Variants in ALG6 observed in about 807,000 individuals in gnomAD.
The protein encoded by ALG6 is dolichyl pyrophosphate Man9GlcNAc2 alpha-1,3-glucosyltransferase.
In ALG6, 46 loss-of-function variants were observed where a neutral mutation model predicts 66.6. The ratio of observed to expected loss-of-function variants is 0.69; its 90% CI spans 0.55 to 0.88. The LOEUF (loss-of-function observed/expected upper bound fraction) is 0.88, where lower values mean the gene tolerates loss of function less well. Ranked by LOEUF, ALG6 falls within the 40% of genes least tolerant of loss-of-function variation. The pLI is 0.00. For synonymous variants in ALG6, 185 were observed against 203.7 expected (o/e 0.91, Z 0.78); for missense variants, 505 against 586.8 (o/e 0.86, Z 1.44).
At chr1:63,411,739 T>G (rs553565398) in intron 8 of ALG6, among the ~76,000 whole-genome samples, 187 bp from the exon 9 acceptor site, 1 of 152,350 alleles carries the variant, frequency 6.6e-6, no homozygotes, top group South Asian at 2.1e-4. Context: ...TTTGTTGAAG[T>G]GCACGTCTTA....
In ALG6 at chr1:63,408,616, ACT is replaced by A. The variant is rs1264549504; in HGVS notation, c.494+1494_494+1495del. Among the ~76,000 whole-genome samples, 7 of 152,192 alleles carry A rather than the reference ACT, an allele frequency of 4.6e-5. No homozygotes were observed. The South Asian group carries it at 1.5e-3, about 32-fold the overall frequency. On this transcript the variant is annotated intron_variant, in intron 7 of 14. Transcript: ENST00000263440. ...TTTTTAGCAGCATGTACCAATTAAG[ACT>A]CTCATAACAATGGTGTAAGAGTTCC...
intron 2 of ALG6, among the ~76,000 whole-genome samples, chr1:63,374,834 G>A (rs1648064908): frequency 1.3e-5 from 2 of 152,108 alleles, no homozygotes; most frequent in African/African-American, 4.8e-5. Flanking sequence ...CTGGTCTTTA[G>A]GGTGACCAAG....
At chr1:63,385,749 T>G (rs12060985) in intron 2 of ALG6, among the ~76,000 whole-genome samples, 1 of 152,336 alleles carries the variant, frequency 6.6e-6, no homozygotes, top group South Asian at 2.1e-4. Context: ...AATATAAAAT[T>G]ATATCATCTG....
At chr1:63,415,812 T>C (rs911062147) in intron 10 of ALG6, 61 bp from the exon 11 acceptor site, 12 of 1,041,422 alleles carry the variant, frequency 1.2e-5, no homozygotes, top group Non-Finnish European at 1.4e-5. Context: ...TATTTCCTTA[T>C]TTAAGCTAGA....
intron 1 of ALG6, among the ~76,000 whole-genome samples, chr1:63,367,929 G>A (rs1405487728): frequency 6.6e-6 from 1 of 152,166 alleles, no homozygotes; most frequent in Non-Finnish European, 1.5e-5. Flanking sequence ...CCTTGTCCTT[G>A]CGGTTCTGAG....
rs1255958798 is a variant in ALG6 at position 63,433,983 on chromosome 1, T to C, written c.1327-2840T>C. On this transcript the variant is annotated intron_variant, in intron 14 of 14. Transcript: ENST00000263440. The surrounding 1 kb of genome is among the most constrained non-coding windows in gnomAD (Gnocchi z 4.2). Reference sequence around the variant, plus strand: ...GAAGTAAACTGCAGATAATTGAGGGTAGAACATCCTAGAAGAGAAAAACTG... The same window carrying C: ...GAAGTAAACTGCAGATAATTGAGGGCAGAACATCCTAGAAGAGAAAAACTG... Among the ~76,000 whole-genome samples, 1 of 152,072 alleles carries C rather than the reference T, an allele frequency of 6.6e-6. No individual in the cohort carries two copies. Among genetic ancestry groups the C allele is most frequent in the Non-Finnish European group, 1.5e-5 (1 of 68,006 alleles).
At chr1:63,422,126 A>AAAT (rs1644578144) in intron 12 of ALG6, among the ~76,000 whole-genome samples, 1 of 74,354 alleles carries the variant, frequency 1.3e-5, no homozygotes, top group Non-Finnish European at 2.5e-5. Context: ...TAAATATATA[A>AAAT]ATAAATATAT....
At chr1:63,391,348 A>G (rs550990398) in intron 2 of ALG6, among the ~76,000 whole-genome samples, 18 of 152,328 alleles carry the variant, frequency 1.2e-4, no homozygotes, top group African/African-American at 4.1e-4. Flanking sequence ...ACTAACTTTG[A>G]TGAAGAGGGG....
chr1:63,428,981 C>T lies in ALG6; in HGVS notation c.1181C>T (p.Thr394Ile). The T allele has an allele frequency of 6.2e-7, 1 of 1,613,032 alleles. No individual in the cohort carries two copies. The highest frequency in any genetic ancestry group is 8.5e-7 in the Non-Finnish European group (1 of 1,179,638). The change falls in exon 14 of 15, where the codon ACA becomes ATA. Residue 394 changes from threonine (T) to isoleucine (I), a missense_variant. Thr to Ile is a moderately conservative substitution (Grantham distance 89). Transcript: ENST00000263440. Reference protein sequence around the residue: ...DELLMPSVVTTMAFFIACVTS... With the variant: ...DELLMPSVVTIMAFFIACVTS... ...CTCCTAATGCCCTCTGTTGTGACAA[C>T]AATGGCATTTTTTATAGCTTGTGTA...
At chr1:63,391,872 G>A (rs1257990603) in intron 2 of ALG6, among the ~76,000 whole-genome samples, 3 of 152,052 alleles carry the variant, frequency 2.0e-5, no homozygotes, top group Non-Finnish European at 4.4e-5. Context: ...CAATCCATGG[G>A]GAGTAGAAAA....
chr1:63,400,347 A>G lies in ALG6; in HGVS notation c.168-1907A>G, dbSNP rs1249130119. Among the ~76,000 whole-genome samples the G allele has an allele frequency of 1.8e-5, 2 of 112,316 alleles. 1 individual carries two copies. Among genetic ancestry groups the G allele is most frequent in the East Asian group, 5.1e-4 (2 of 3,916 alleles). 73.7% of individuals were successfully genotyped at this position (112,316 alleles called of 152,430 possible). A position where few individuals can be genotyped will look rare whatever the true frequency, so the allele number is the denominator to read the frequency against. On this transcript the variant is annotated intron_variant, in intron 3 of 14. Transcript: ENST00000263440. Reference sequence around the variant, plus strand: ...TATATATATATATACGTATATATATATGTATATATATATGTATATATATGT... The same window carrying G: ...TATATATATATATACGTATATATATGTGTATATATATATGTATATATATGT...
chr1:63,435,475 A>G lies in ALG6; in HGVS notation c.1327-1348A>G, dbSNP rs376934271. On this transcript the variant is annotated intron_variant, in intron 14 of 14. Coordinates refer to ENST00000263440, the MANE Select transcript of ALG6 (RefSeq NM_013339.4). Reference sequence around the variant, plus strand: ...TGGAATGATCACTGCATTACTCTCTATTTAGATCTTACCAATACTGTCATA... The same window carrying G: ...TGGAATGATCACTGCATTACTCTCTGTTTAGATCTTACCAATACTGTCATA... Among the ~76,000 whole-genome samples, 16 of 152,178 alleles carry G rather than the reference A, an allele frequency of 1.1e-4. No homozygotes were observed. The East Asian group carries it at 3.1e-3, about 29-fold the overall frequency.
chr1:63,382,655 G>GT lies in ALG6; in HGVS notation c.82+11605dup, dbSNP rs1388211782. Among the ~76,000 whole-genome samples the GT allele has an allele frequency of 8.6e-3, 699 of 81,218 alleles. 6 individuals are homozygous for GT. The highest frequency in any genetic ancestry group is 0.012 in the Non-Finnish European group (483 of 40,720). The allele number at this position is 81,218 out of a possible 152,430, so 53.3% of individuals were successfully genotyped here. A position where few individuals can be genotyped will look rare whatever the true frequency, so the allele number is the denominator to read the frequency against. On this transcript the variant is annotated intron_variant, in intron 2 of 14. Coordinates refer to ENST00000263440, the MANE Select transcript of ALG6 (RefSeq NM_013339.4). ...TGCCTGGCTAAGTTTTTTTTTGTTT[G>GT]TTTTTTTTTGTTTTTTTTTTTTTGT...
chr1:63,406,469 G>T, intron 6 of ALG6, 70 bp downstream of exon 6: 1 of 1,324,002 alleles, frequency 7.6e-7, no homozygotes, highest in South Asian at 1.2e-5. Flanking sequence ...ATTAAGTATA[G>T]ACCTTAGAGA....
chr1:63,397,477 G>A (rs1030038222), intron 3 of ALG6, among the ~76,000 whole-genome samples: 1 of 152,036 alleles, frequency 6.6e-6, no homozygotes, highest in Non-Finnish European at 1.5e-5. Context: ...GAGCCACCAT[G>A]TGCGGCCTAG....
At chr1:63,401,020 G>A (rs376458124) in intron 3 of ALG6, among the ~76,000 whole-genome samples, 4 of 152,108 alleles carry the variant, frequency 2.6e-5, no homozygotes, top group Non-Finnish European at 5.9e-5. Flanking sequence ...GCTGCCAAAA[G>A]GGGCTCCAAC....
chr1:63,404,427 A>G, intron 4 of ALG6, 26 bp from the exon 5 acceptor site: 1 of 1,539,068 alleles, frequency 6.5e-7, no homozygotes, highest in Non-Finnish European at 9.0e-7. Flanking sequence ...GGAATGAAGT[A>G]TCTGTATATA....
intron 1 of ALG6, among the ~76,000 whole-genome samples, chr1:63,369,559 G>T (rs1647839753): frequency 6.6e-6 from 1 of 151,778 alleles, no homozygotes; most frequent in African/African-American, 2.4e-5. Context: ...AACCCAGGAG[G>T]CAGAGGTTGC....
chr1:63,401,350 T>C (rs1338951830), intron 3 of ALG6, among the ~76,000 whole-genome samples: 1 of 152,114 alleles, frequency 6.6e-6, no homozygotes, highest in Non-Finnish European at 1.5e-5. Flanking sequence ...GAGATTGTGA[T>C]AGTGAGGAAT....
Sources: gnomAD v4.1 joint callset for allele counts (sites outside exome capture counted in the v4.1 genomes callset) on GRCh38, gnomAD v4.1.1 for gene constraint, Gnocchi (gnomAD v3.1) non-coding constraint, MANE v1.5 for transcripts, NCBI Gene and HGNC (gene_info 2026-07-23, HGNC 2026-07-21) for gene names.